Variants in AQP7 observed in about 807,000 individuals in gnomAD.
AQP7 encodes aquaporin 7.
In AQP7, 22 loss-of-function variants were observed where a neutral mutation model predicts 26.1. That is an observed-to-expected ratio of 0.84 (90% CI 0.60 to 1.20). The LOEUF (loss-of-function observed/expected upper bound fraction) is 1.20. Among genes scored for constraint, AQP7 ranks in the 50% most tolerant of loss-of-function variants. The pLI, the probability that AQP7 is intolerant of heterozygous loss-of-function variation, is 0.00. For synonymous variants in AQP7, 167 were observed against 181.7 expected (o/e 0.92, Z 0.65); for missense variants, 412 against 457.5 (o/e 0.90, Z 0.91).
intron 3 of AQP7, chr9:33,393,711 C>G (rs1178949667): frequency 6.6e-6 from 1 of 152,298 alleles, no homozygotes; most frequent in Non-Finnish European, 1.5e-5. Flanking sequence ...GGATTCTGTC[C>G]CAATCACACA....
intron 3 of AQP7, among the ~76,000 whole-genome samples, chr9:33,387,531 C>T (rs1428897903): frequency 6.6e-6 from 1 of 150,722 alleles, no homozygotes; most frequent in Non-Finnish European, 1.5e-5. Flanking sequence ...CCCCTCCCTG[C>T]ACAAACACAC....
chr9:33,392,073 G>A (rs1331119818), intron 3 of AQP7, among the ~76,000 whole-genome samples: 1 of 152,170 alleles, frequency 6.6e-6, no homozygotes, highest in African/African-American at 2.4e-5. Context: ...CAGCACTTTG[G>A]GAGGCCGAGG....
intron 2 of AQP7, among the ~76,000 whole-genome samples, chr9:33,396,438 C>CA (rs3055483): frequency 0.067 from 2,041 of 30,672 alleles, 244 homozygotes; most frequent in Non-Finnish European, 0.11. Flanking sequence ...GACTCCATCT[C>CA]AAAAAAAAAA....
At chr9:33,399,638 T>C (rs1295339107) in intron 2 of AQP7, among the ~76,000 whole-genome samples, 2 of 151,888 alleles carry the variant, frequency 1.3e-5, no homozygotes, top group Admixed American at 1.3e-4. Flanking sequence ...CATCTACTTA[T>C]GAGTCAAGCA....
chr9:33,389,033 T>C (rs1258745740), intron 3 of AQP7, among the ~76,000 whole-genome samples: 2 of 150,592 alleles, frequency 1.3e-5, no homozygotes, highest in African/African-American at 4.9e-5. Flanking sequence ...ATTTTTTTTT[T>C]TTTTTTTTTT....
chr9:33,392,054 C>T (rs1825457686), intron 3 of AQP7, among the ~76,000 whole-genome samples: 1 of 152,156 alleles, frequency 6.6e-6, no homozygotes, highest in African/African-American at 2.4e-5. Flanking sequence ...TGACTCATGC[C>T]TGTAATCCCA....
chr9:33,389,354 G>A (rs750853413), intron 3 of AQP7, among the ~76,000 whole-genome samples: 2 of 152,014 alleles, frequency 1.3e-5, no homozygotes, highest in African/African-American at 2.4e-5. Flanking sequence ...AATTTATTTT[G>A]TGTAGAGATG....
At chr9:33,398,165 C>A (rs1334552374) in intron 2 of AQP7, among the ~76,000 whole-genome samples, 4 of 151,404 alleles carry the variant, frequency 2.6e-5, no homozygotes, top group African/African-American at 9.7e-5. Flanking sequence ...AAGGAGCCTC[C>A]AGGGAGGCAG....
intron 2 of AQP7, chr9:33,395,615 G>A (rs181255195): frequency 5.1e-4 from 100 of 194,236 alleles, no homozygotes; most frequent in African/African-American, 2.1e-3. Context: ...CCAGAACTTT[G>A]GGGTCACAGG....
chr9:33,393,159 TG>T (rs1183659290), intron 3 of AQP7, among the ~76,000 whole-genome samples: 2 of 151,970 alleles, frequency 1.3e-5, no homozygotes, highest in African/African-American at 4.8e-5. Context: ...GTATGGGAGG[TG>T]GGGGCTGCAG....
intron 2 of AQP7, among the ~76,000 whole-genome samples, chr9:33,398,028 T>A (rs1019552357): frequency 6.6e-6 from 1 of 152,176 alleles, no homozygotes; most frequent in Non-Finnish European, 1.5e-5. Flanking sequence ...TGCAGTGTGA[T>A]GAGCACTGCC....
At chr9:33,397,126 TTAA>T (rs1272045267) in intron 2 of AQP7, among the ~76,000 whole-genome samples, 7 of 150,594 alleles carry the variant, frequency 4.6e-5, no homozygotes, top group Non-Finnish European at 7.4e-5. Context: ...AAAAGCTTGA[TTAA>T]TAATTAATTA....
At chr9:33,389,060 C>T (rs1825134966) in intron 3 of AQP7, among the ~76,000 whole-genome samples, 1 of 142,864 alleles carries the variant, frequency 7.0e-6, no homozygotes, top group Admixed American at 7.3e-5. Flanking sequence ...CAGAGTCTTG[C>T]TCTGTCGCCC....
At chr9:33,399,383 T>C (rs1826080799) in intron 2 of AQP7, among the ~76,000 whole-genome samples, 1 of 151,584 alleles carries the variant, frequency 6.6e-6, no homozygotes, top group Admixed American at 6.6e-5. Flanking sequence ...TCACTTGAGG[T>C]CAGGAGTTCA....
intron 3 of AQP7, among the ~76,000 whole-genome samples, chr9:33,391,923 G>A (rs1231558107): frequency 2.0e-5 from 3 of 152,202 alleles, no homozygotes; most frequent in Non-Finnish European, 4.4e-5. Flanking sequence ...CTGAAAGTGA[G>A]GACCTTACCC....
intron 3 of AQP7, among the ~76,000 whole-genome samples, chr9:33,388,629 C>A (rs1825093748): frequency 6.6e-6 from 1 of 152,192 alleles, no homozygotes; most frequent in Non-Finnish European, 1.5e-5. Context: ...TTATACTGAT[C>A]ACCTCCTTTA....
intron 2 of AQP7, among the ~76,000 whole-genome samples, chr9:33,399,808 C>T (rs544293717): frequency 5.9e-5 from 9 of 151,584 alleles, no homozygotes; most frequent in South Asian, 4.2e-4. Context: ...GAAGAATGGG[C>T]GGGTGGTGGC....
At chr9:33,385,367 G>C (rs1457130629) in intron 7 of AQP7, 77 bp from the exon 8 acceptor site, 14 of 1,511,586 alleles carry the variant, frequency 9.3e-6, no homozygotes, top group Non-Finnish European at 1.1e-5. Flanking sequence ...GGCCAAGACA[G>C]GTTGAGCAGA....
chr9:33,387,218 G>A (rs62542749), intron 3 of AQP7, 126 bp from the exon 4 acceptor site: 8 of 1,124,450 alleles, frequency 7.1e-6, no homozygotes, highest in Admixed American at 2.4e-5. Flanking sequence ...TCGAAGACCC[G>A]CTGCCACGCC....
Sources: allele counts gnomAD v4.1 joint callset (sites outside exome capture counted in the v4.1 genomes callset), GRCh38; gene constraint gnomAD v4.1.1; transcripts MANE v1.5; gene names NCBI Gene and HGNC (gene_info 2026-07-23, HGNC 2026-07-21).